MCTP1: variants seen among roughly 807,000 people sequenced by gnomAD.
MCTP1 encodes multiple C2 and transmembrane domain-containing protein 1.
MCTP1 carries 69 observed loss-of-function variants against 120.6 expected under a neutral mutation model. That is an observed-to-expected ratio of 0.57 (90% CI 0.47 to 0.70). The LOEUF (loss-of-function observed/expected upper bound fraction) is 0.70, where lower values mean the gene tolerates loss of function less well. MCTP1 is among the 30% of genes least tolerant of loss of function. MCTP1 has a pLI of 0.00. For synonymous variants in MCTP1, 529 were observed against 493.1 expected (o/e 1.07, Z -0.96); for missense variants, 1,203 against 1,248.8 (o/e 0.96, Z 0.55).
In MCTP1 at chr5:95,001,880, G is replaced by A. The variant is rs146615127; in HGVS notation, c.838+15487C>T. 3.4e-3 allele frequency among the ~76,000 whole-genome samples: 524 copies of A among 152,260 alleles called. 2 individuals carry two copies. The highest frequency in any genetic ancestry group is 0.012 in the African/African-American group (510 of 41,552). On this transcript the variant is annotated intron_variant, in intron 2 of 22. Coordinates refer to ENST00000515393, the MANE Select transcript of MCTP1 (RefSeq NM_024717.7). ...GAAGACAATGGGGAAATGTCGACAGGGCATGTCAAAAACCTTCATGACAGC... is the reference window on the plus strand; with the variant it reads ...GAAGACAATGGGGAAATGTCGACAGAGCATGTCAAAAACCTTCATGACAGC...
chr5:94,750,394 A>C (rs1257211875), intron 19 of MCTP1, among the ~76,000 whole-genome samples: 1 of 152,248 alleles, frequency 6.6e-6, no homozygotes, highest in Non-Finnish European at 1.5e-5. Flanking sequence ...TTAGAATCAT[A>C]AACCTACTAG....
chr5:95,176,650 C>A (rs1489654828), intron 1 of MCTP1, among the ~76,000 whole-genome samples: 1 of 152,098 alleles, frequency 6.6e-6, no homozygotes. Flanking sequence ...GAGTTTGAGA[C>A]CAGCCTGGCC....
intron 19 of MCTP1, among the ~76,000 whole-genome samples, chr5:94,728,406 T>C (rs1436320859): frequency 6.6e-6 from 1 of 152,148 alleles, no homozygotes; most frequent in Admixed American, 6.5e-5. Context: ...TCTTTAGAAA[T>C]GGTAGTTTAT....
intron 2 of MCTP1, among the ~76,000 whole-genome samples, chr5:94,954,205 T>TATATATGC (rs1317009327): frequency 1.5e-5 from 2 of 132,524 alleles, no homozygotes; most frequent in Admixed American, 7.9e-5. Context: ...TATATATATA[T>TATATATGC]GCCATGGAAT....
intron 2 of MCTP1, among the ~76,000 whole-genome samples, chr5:94,986,131 G>A (rs191811293): frequency 6.6e-6 from 1 of 152,218 alleles, no homozygotes; most frequent in African/African-American, 2.4e-5. Context: ...GAAAAGCATT[G>A]TTTCCCAAGT....
chr5:94,732,922 A>G (rs1435072450), intron 19 of MCTP1, among the ~76,000 whole-genome samples: 1 of 152,202 alleles, frequency 6.6e-6, no homozygotes, highest in African/African-American at 2.4e-5. Context: ...AGACACTTAA[A>G]AAATTATTCA....
chr5:95,166,368 T>C (rs1265476861), intron 1 of MCTP1, among the ~76,000 whole-genome samples: 1 of 152,160 alleles, frequency 6.6e-6, no homozygotes, highest in Non-Finnish European at 1.5e-5. Flanking sequence ...AATAGCAATG[T>C]CATAAAAATG....
At chr5:95,204,451 C>G (rs983435117) in intron 1 of MCTP1, among the ~76,000 whole-genome samples, 1 of 152,114 alleles carries the variant, frequency 6.6e-6, no homozygotes, top group Admixed American at 6.6e-5. Context: ...TTCCCCCTGA[C>G]CCTAAGATCA....
At chr5:95,218,660 C>T (rs1459894956) in intron 1 of MCTP1, among the ~76,000 whole-genome samples, 1 of 152,130 alleles carries the variant, frequency 6.6e-6, no homozygotes, top group African/African-American at 2.4e-5. Context: ...AGTCATTTGT[C>T]ACTTAACAAT....
At chr5:95,231,851 G>A (rs1476545618) in intron 1 of MCTP1, among the ~76,000 whole-genome samples, 1 of 152,142 alleles carries the variant, frequency 6.6e-6, no homozygotes, top group East Asian at 1.9e-4. Flanking sequence ...GTATACTATT[G>A]TAAGGTTCTT....
intron 17 of MCTP1, among the ~76,000 whole-genome samples, chr5:94,852,052 A>G (rs1449659608): frequency 6.6e-6 from 1 of 151,938 alleles, no homozygotes; most frequent in Non-Finnish European, 1.5e-5. Flanking sequence ...CTATAATTAA[A>G]TTGTTCAGCC....
chr5:94,912,980 T>G lies in MCTP1; in HGVS notation c.1351-4A>C, dbSNP rs1208601360. On this transcript the variant is annotated splice_polypyrimidine_tract_variant and splice_region_variant and intron_variant, in intron 8 of 22. Transcript: ENST00000515393. ...GGCGTAAACTTTGGGTCTGAAACTTTTGGCAAATGAAAATTGAGTTAGGTT... is the reference window on the plus strand; with the variant it reads ...GGCGTAAACTTTGGGTCTGAAACTTGTGGCAAATGAAAATTGAGTTAGGTT... 24 of 1,584,302 alleles carry G rather than the reference T, an allele frequency of 1.5e-5. No individual in the cohort carries two copies. Among genetic ancestry groups the G allele is most frequent in the Non-Finnish European group, 2.0e-5 (23 of 1,168,064 alleles).
chr5:95,157,255 A>C (rs1490394680), intron 1 of MCTP1, among the ~76,000 whole-genome samples: 1 of 152,186 alleles, frequency 6.6e-6, no homozygotes, highest in East Asian at 1.9e-4. Context: ...ATTGTCCAGC[A>C]AAAGGTTTCT....
At chr5:94,988,015 C>A (rs570800591) in intron 2 of MCTP1, among the ~76,000 whole-genome samples, 1 of 152,270 alleles carries the variant, frequency 6.6e-6, no homozygotes, top group Non-Finnish European at 1.5e-5. Context: ...ATAAATGGAT[C>A]CTCTTGCCAC....
chr5:95,129,149 T>C (rs973039576), intron 1 of MCTP1, among the ~76,000 whole-genome samples: 4 of 152,204 alleles, frequency 2.6e-5, no homozygotes, highest in Non-Finnish European at 5.9e-5. Flanking sequence ...AGAAAGACTC[T>C]TTACTAAACT....
chr5:94,748,981 TTTG>T (rs1227970733), intron 19 of MCTP1, among the ~76,000 whole-genome samples: 1 of 152,152 alleles, frequency 6.6e-6, no homozygotes, highest in Non-Finnish European at 1.5e-5. Context: ...GAAATACAGT[TTTG>T]TTTTGTTTTT....
chr5:95,147,914 T>C (rs1192362104), intron 1 of MCTP1, among the ~76,000 whole-genome samples: 1 of 152,158 alleles, frequency 6.6e-6, no homozygotes, highest in Non-Finnish European at 1.5e-5. Flanking sequence ...CTTCCCATAG[T>C]GTTTGCTTGT....
At chr5:94,768,306 A>G (rs1349277531) in intron 19 of MCTP1, among the ~76,000 whole-genome samples, 2 of 152,210 alleles carry the variant, frequency 1.3e-5, no homozygotes, top group South Asian at 2.1e-4. Context: ...AAACTACTAG[A>G]AGAAAACATA....
chr5:95,180,806 CT>C (rs1412248357), intron 1 of MCTP1, among the ~76,000 whole-genome samples: 1 of 152,134 alleles, frequency 6.6e-6, no homozygotes, highest in Non-Finnish European at 1.5e-5. Flanking sequence ...TTAATTTTCC[CT>C]TCCCAGCTGC....
Sources: gnomAD v4.1 joint callset for allele counts (sites outside exome capture counted in the v4.1 genomes callset) on GRCh38, gnomAD v4.1.1 for gene constraint, MANE v1.5 for transcripts, NCBI Gene and HGNC (gene_info 2026-07-23, HGNC 2026-07-21) for gene names.